ITSN1: variants seen among roughly 807,000 people sequenced by gnomAD.
ITSN1 encodes intersectin 1.
Under a neutral mutation model 239.8 loss-of-function variants are expected in ITSN1, and 58 were observed. The observed-to-expected ratio is 0.24, with a 90% CI of 0.20 to 0.30. The LOEUF (loss-of-function observed/expected upper bound fraction) is 0.30, where lower values mean the gene tolerates loss of function less well. Among genes scored for constraint, ITSN1 ranks in the 10% least tolerant of loss-of-function variants. The pLI is 1.00. For missense variants in ITSN1, 1,558 were observed against 2,103.3 expected (o/e 0.74, Z 5.07); for synonymous variants, 780 against 770.8 (o/e 1.01, Z -0.20).
chr21:33,829,483 C>T, intron 26 of ITSN1, 141 bp from the exon 27 acceptor site: 1 of 855,444 alleles, frequency 1.2e-6, no homozygotes, highest in East Asian at 2.5e-5. Flanking sequence ...TTCAGGGAGC[C>T]TTACTCGTTG....
intron 17 of ITSN1, among the ~76,000 whole-genome samples, chr21:33,796,794 T>C (rs2071599223): frequency 6.6e-6 from 1 of 152,248 alleles, no homozygotes. Flanking sequence ...TTTCTGACTT[T>C]ATAAAGTATT....
chr21:33,716,080 A>T (rs1198715138), intron 1 of ITSN1, among the ~76,000 whole-genome samples: 1 of 152,194 alleles, frequency 6.6e-6, no homozygotes, highest in Non-Finnish European at 1.5e-5. Context: ...ATACCACCTA[A>T]GTACCTGCAG....
chr21:33,750,276 C>T lies in ITSN1; in HGVS notation c.480C>T (p.Asn160=), dbSNP rs535646273. The change falls in exon 6 of 40, where the codon AAC becomes AAT. Residue 160 remains asparagine, a synonymous_variant. Transcript: ENST00000381318. ...CAGCAGCTGTGCCCCCCCTGGCTAA[C>T]GGGGCTCCCCCTGTTATACAACCTC... is the stretch of plus-strand genomic sequence containing the variant. The part of the protein sequence containing the change: ...VPTAAVPPLA[N]GAPPVIQPLP... 2.4e-5 allele frequency: 39 copies of T among 1,613,896 alleles called. No individual in the cohort carries two copies. Among genetic ancestry groups the T allele is most frequent in the Admixed American group, 1.8e-4 (11 of 60,028 alleles).
At chr21:33,817,456 G>A (rs1055825138) in intron 22 of ITSN1, 6 of 1,304,374 alleles carry the variant, frequency 4.6e-6, no homozygotes, top group African/African-American at 1.5e-5. Context: ...GATGCCCCCA[G>A]GCAGAATTCA....
intron 1 of ITSN1, among the ~76,000 whole-genome samples, chr21:33,675,063 A>G (rs1330610266): frequency 1.3e-5 from 2 of 152,226 alleles, no homozygotes; most frequent in Non-Finnish European, 2.9e-5. Flanking sequence ...ATATCCATTT[A>G]TGTGAATTAC....
chr21:33,729,464 A>T lies in ITSN1; in HGVS notation c.186-5580A>T, dbSNP rs1315229545. On this transcript the variant is annotated intron_variant, in intron 4 of 39. Coordinates refer to ENST00000381318, the MANE Select transcript of ITSN1 (RefSeq NM_003024.3). ...CCCTGTCTCAAACAAACAAACAAAT[A>T]AAAAAAAAAAAAAGAACCTAGTAAG... Among the ~76,000 whole-genome samples, 4 of 140,630 alleles carry T rather than the reference A, an allele frequency of 2.8e-5. No individual in the cohort carries two copies. The South Asian group carries it at 6.8e-4, about 24-fold the overall frequency. 92.3% of individuals were successfully genotyped at this position (140,630 alleles called of 152,430 possible). A position where few individuals can be genotyped will look rare whatever the true frequency, so the allele number is the denominator to read the frequency against.
At chr21:33,782,232 T>C in intron 16 of ITSN1, 99 bp downstream of exon 16, 1 of 1,157,492 alleles carries the variant, frequency 8.6e-7, no homozygotes, top group Non-Finnish European at 1.3e-6. Context: ...AAAAATTTAT[T>C]ATGCCATTGT....
Position 33,834,339 on chromosome 21 carries a change from C to T in ITSN1, c.3384C>T (p.Phe1128=). ...ARGKKRQIGW[F]PANYVKLLSP... The stretch of plus-strand genomic sequence containing the variant: ...GGAAAAAGCGCCAGATAGGCTGGTT[C>T]CCAGCTAATTATGTAAAGCTTCTAA... The change falls in exon 28 of 40, where the codon TTC becomes TTT. Residue 1128 remains phenylalanine, a synonymous_variant. Transcript: ENST00000381318. The T allele has an allele frequency of 6.2e-7, 1 of 1,614,088 alleles. No homozygotes were observed.
chr21:33,814,913 AGAG>A (rs2073163020), intron 22 of ITSN1, among the ~76,000 whole-genome samples: 1 of 152,210 alleles, frequency 6.6e-6, no homozygotes, highest in Admixed American at 6.5e-5. Context: ...GAGAGACTGC[AGAG>A]GAGAGTGAAG....
intron 1 of ITSN1, among the ~76,000 whole-genome samples, chr21:33,676,344 C>G (rs2090592132): frequency 6.6e-6 from 1 of 152,108 alleles, no homozygotes; most frequent in South Asian, 2.1e-4. Context: ...CCTGTCACTT[C>G]AAGATTTTAC....
At chr21:33,713,799 A>G (rs1259782412) in intron 1 of ITSN1, among the ~76,000 whole-genome samples, 1 of 151,490 alleles carries the variant, frequency 6.6e-6, no homozygotes, top group Non-Finnish European at 1.5e-5. Context: ...TGGTTGGAAG[A>G]AAATTACCTG....
intron 24 of ITSN1, among the ~76,000 whole-genome samples, chr21:33,820,037 G>A (rs1393245055): frequency 6.6e-6 from 1 of 151,962 alleles, no homozygotes; most frequent in Non-Finnish European, 1.5e-5. Context: ...GACCACTAGA[G>A]TTCTCATAGT....
chr21:33,740,347 G>A (rs2066768230), intron 5 of ITSN1, among the ~76,000 whole-genome samples: 1 of 152,158 alleles, frequency 6.6e-6, no homozygotes, highest in Non-Finnish European at 1.5e-5. Context: ...CCCAAGCCTT[G>A]ATGTGATGTG....
In ITSN1 at chr21:33,750,265, C is replaced by A. The variant is rs754500876; in HGVS notation, c.469C>A (p.Pro157Thr). ...TTCTGTTCCCACAGCAGCTGTGCCCCCCCTGGCTAACGGGGCTCCCCCTGT... is the reference window on the plus strand; with the variant it reads ...TTCTGTTCCCACAGCAGCTGTGCCCACCCTGGCTAACGGGGCTCCCCCTGT... ...VSSVPTAAVP[P>T]LANGAPPVIQ... is the part of the protein sequence containing the mutation. The change falls in exon 6 of 40, where the codon CCC (proline) becomes ACC (threonine). Residue 157 changes from proline to threonine, a missense_variant. Coordinates refer to ENST00000381318, the MANE Select transcript of ITSN1 (RefSeq NM_003024.3). The A allele has an allele frequency of 1.2e-6, 2 of 1,614,060 alleles. No individual in the cohort carries two copies. Among genetic ancestry groups the A allele is most frequent in the Non-Finnish European group, 1.7e-6 (2 of 1,180,024 alleles).
At position 33,718,867 on chromosome 21, in the gene ITSN1, A is replaced by G. The variant is rs759265782; in HGVS notation, c.28+11A>G. On this transcript the variant is annotated intron_variant, in intron 2 of 39. Transcript: ENST00000381318. ...CAACACCTTTTGGTGGTAAGTTTTCAGAAATTTCTCTTTTTAATGTACTTT... is the reference window on the plus strand; with the variant it reads ...CAACACCTTTTGGTGGTAAGTTTTCGGAAATTTCTCTTTTTAATGTACTTT... 6.2e-7 allele frequency: 1 copy of G among 1,611,212 alleles called. No homozygotes were observed. The highest frequency in any genetic ancestry group is 8.5e-7 in the Non-Finnish European group (1 of 1,177,916).
intron 1 of ITSN1, among the ~76,000 whole-genome samples, chr21:33,674,371 A>G (rs1414537108): frequency 6.6e-6 from 1 of 152,240 alleles, no homozygotes; most frequent in Non-Finnish European, 1.5e-5. Flanking sequence ...AGGCTGAAAC[A>G]GTGGTTCTCA....
chr21:33,839,667 A>C (rs995974550), intron 29 of ITSN1, among the ~76,000 whole-genome samples: 2 of 151,776 alleles, frequency 1.3e-5, no homozygotes, highest in African/African-American at 2.4e-5. Context: ...GGTGGGTACT[A>C]CTCCATAACA....
chr21:33,670,620 A>G (rs2146369267), intron 1 of ITSN1, among the ~76,000 whole-genome samples: 1 of 152,336 alleles, frequency 6.6e-6, no homozygotes, highest in East Asian at 1.9e-4. Flanking sequence ...GAATCATTGC[A>G]GCCAGGTCTC....
intron 31 of ITSN1, among the ~76,000 whole-genome samples, chr21:33,861,467 C>T (rs1980509837): frequency 6.6e-6 from 1 of 152,150 alleles, no homozygotes; most frequent in South Asian, 2.1e-4. Context: ...ATAAAAAGGG[C>T]TAACTGGAAC....
Sources: allele counts gnomAD v4.1 joint callset (sites outside exome capture counted in the v4.1 genomes callset), GRCh38; gene constraint gnomAD v4.1.1; transcripts MANE v1.5; gene names NCBI Gene and HGNC (gene_info 2026-07-23, HGNC 2026-07-21).